The following FMN2 variants were observed in gnomAD, a reference collection of about 807,000 sequenced individuals.
The protein encoded by FMN2 is formin 2.
Under a neutral mutation model 142.3 loss-of-function variants are expected in FMN2, and 51 were observed. The observed-to-expected ratio is 0.36, with a 90% CI of 0.29 to 0.45. The LOEUF (loss-of-function observed/expected upper bound fraction) is 0.45, where lower values mean the gene tolerates loss of function less well. Ranked by LOEUF, FMN2 falls within the 20% of genes least tolerant of loss-of-function variation. The pLI is 1.00. For missense variants in FMN2, 1,936 were observed against 2,122.8 expected (o/e 0.91, Z 1.73); for synonymous variants, 882 against 869.8 (o/e 1.01, Z -0.25).
intron 15 of FMN2, among the ~76,000 whole-genome samples, chr1:240,395,336 A>T (rs1673738993): frequency 6.6e-6 from 1 of 152,192 alleles, no homozygotes; most frequent in Non-Finnish European, 1.5e-5. Context: ...GATGCCTGCT[A>T]ACACAGCATT....
At chr1:240,338,255 C>A (rs539491081) in intron 13 of FMN2, among the ~76,000 whole-genome samples, 2 of 152,256 alleles carry the variant, frequency 1.3e-5, no homozygotes, top group African/African-American at 4.8e-5. Flanking sequence ...AAGCAATGTC[C>A]ATTTTCCAGA....
intron 2 of FMN2, among the ~76,000 whole-genome samples, chr1:240,155,527 T>A (rs2103280895): frequency 6.6e-6 from 1 of 152,292 alleles, no homozygotes; most frequent in East Asian, 1.9e-4. Context: ...GTGTTCCTCC[T>A]GCCTTGGCCT....
intron 7 of FMN2, among the ~76,000 whole-genome samples, chr1:240,271,073 A>AC (rs151018082): frequency 4.5e-5 from 6 of 134,446 alleles, no homozygotes; most frequent in Non-Finnish European, 6.3e-5. Context: ...TAACCCTTTG[A>AC]CCCCCCTAGG....
chr1:240,159,348 C>A (rs1406591294), intron 2 of FMN2, among the ~76,000 whole-genome samples: 1 of 152,092 alleles, frequency 6.6e-6, no homozygotes, highest in Non-Finnish European at 1.5e-5. Context: ...GAGATATTCT[C>A]CATTTTTGTA....
chr1:240,404,355 G>A (rs781638539), intron 15 of FMN2, among the ~76,000 whole-genome samples: 3 of 152,168 alleles, frequency 2.0e-5, no homozygotes, highest in Non-Finnish European at 2.9e-5. Context: ...GTAACTATCC[G>A]GAGATGAATA....
At chr1:240,133,236 G>C (rs1464528234) in intron 2 of FMN2, among the ~76,000 whole-genome samples, 2 of 152,164 alleles carry the variant, frequency 1.3e-5, no homozygotes, top group East Asian at 3.9e-4. Flanking sequence ...GGTGATCACA[G>C]CTCACTGCCT....
chr1:240,120,561 T>C (rs1278728921), intron 1 of FMN2, among the ~76,000 whole-genome samples: 1 of 152,184 alleles, frequency 6.6e-6, no homozygotes, highest in African/African-American at 2.4e-5. Flanking sequence ...GTGACCAAGT[T>C]TGCAAGGTAG....
intron 2 of FMN2, among the ~76,000 whole-genome samples, chr1:240,173,074 T>C (rs1664774914): frequency 6.6e-6 from 1 of 152,160 alleles, no homozygotes. Context: ...TAGCTGGGAC[T>C]ACAGGCGCCT....
At chr1:240,400,755 T>C (rs1165058068) in intron 15 of FMN2, 1 of 152,270 alleles carries the variant, frequency 6.6e-6, no homozygotes, top group East Asian at 1.9e-4. Context: ...TTTATGGAGT[T>C]CTTCTTTTGC....
intron 6 of FMN2, chr1:240,235,726 A>G (rs1667688399): frequency 6.6e-6 from 1 of 152,100 alleles, no homozygotes; most frequent in Non-Finnish European, 1.5e-5. Flanking sequence ...CAGACCCCAG[A>G]TTAGTTAGTT....
At chr1:240,246,025 A>G (rs1668070519) in intron 6 of FMN2, among the ~76,000 whole-genome samples, 1 of 151,990 alleles carries the variant, frequency 6.6e-6, no homozygotes, top group Admixed American at 6.6e-5. Flanking sequence ...CTAAAAATAC[A>G]AAAAATTAGC....
intron 13 of FMN2, among the ~76,000 whole-genome samples, chr1:240,339,426 G>C (rs1302221318): frequency 1.3e-5 from 2 of 151,904 alleles, no homozygotes; most frequent in East Asian, 3.9e-4. Flanking sequence ...AGTATATATA[G>C]GTTTCAGTAC....
chr1:240,450,837 C>G (rs565118052), intron 16 of FMN2, among the ~76,000 whole-genome samples: 2 of 152,184 alleles, frequency 1.3e-5, no homozygotes, highest in Non-Finnish European at 2.9e-5. Flanking sequence ...CTGAAAGATG[C>G]CACTTCTGCC....
At chr1:240,239,546 T>C (rs1667820960) in intron 6 of FMN2, among the ~76,000 whole-genome samples, 1 of 152,214 alleles carries the variant, frequency 6.6e-6, no homozygotes, top group South Asian at 2.1e-4. Flanking sequence ...ATGTCATTTC[T>C]AGGAATAAAG....
At chr1:240,397,121 T>TA (rs1361444853) in intron 15 of FMN2, among the ~76,000 whole-genome samples, 1 of 152,198 alleles carries the variant, frequency 6.6e-6, no homozygotes, top group East Asian at 1.9e-4. Flanking sequence ...CAACATCTGT[T>TA]ACGTTTTGAC....
intron 2 of FMN2, among the ~76,000 whole-genome samples, chr1:240,127,360 C>T: frequency 6.6e-6 from 1 of 151,586 alleles, no homozygotes; most frequent in South Asian, 2.1e-4. Flanking sequence ...GCATGAGCCA[C>T]CATACCTGGC....
chr1:240,246,872 G>A (rs1054975675), intron 6 of FMN2, among the ~76,000 whole-genome samples: 1 of 152,168 alleles, frequency 6.6e-6, no homozygotes, highest in Non-Finnish European at 1.5e-5. Context: ...GATTTCAAAT[G>A]TGTTAATTCT....
At chr1:240,390,288 G>T (rs1026097623) in intron 14 of FMN2, among the ~76,000 whole-genome samples, 2 of 152,120 alleles carry the variant, frequency 1.3e-5, no homozygotes, top group Non-Finnish European at 2.9e-5. Context: ...TCTTATTCCA[G>T]TTTGTCTTTA....
chr1:240,285,498 C>T (rs117192657), intron 7 of FMN2, among the ~76,000 whole-genome samples: 1 of 151,946 alleles, frequency 6.6e-6, no homozygotes, highest in East Asian at 1.9e-4. Context: ...TGGGCGAGAC[C>T]ACCAAGGCGG....
Sources: allele counts gnomAD v4.1 joint callset (sites outside exome capture counted in the v4.1 genomes callset), GRCh38; gene constraint gnomAD v4.1.1; transcripts MANE v1.5; gene names NCBI Gene and HGNC (gene_info 2026-07-23, HGNC 2026-07-21).